Variants in PTER observed in about 807,000 individuals in gnomAD.
PTER encodes phosphotriesterase related, also known as N-acetyltaurine hydrolase.
Under a neutral mutation model 29.6 loss-of-function variants are expected in PTER, and 38 were observed. The observed-to-expected ratio is 1.28, with a 90% CI of 0.99 to 1.68. The LOEUF is 1.68. Among genes scored for constraint, PTER ranks in the 40% most tolerant of loss-of-function variants. The probability of loss-of-function intolerance (pLI) is 0.00; values close to 1 mark genes in which losing one functional copy is unlikely to be tolerated. For synonymous variants in PTER, 172 were observed against 154.5 expected (o/e 1.11, Z -0.84); for missense variants, 482 against 427.8 (o/e 1.13, Z -1.12).
chr10:16,450,066 A>T (rs2133371481), intron 1 of PTER, among the ~76,000 whole-genome samples: 1 of 152,140 alleles, frequency 6.6e-6, no homozygotes, highest in East Asian at 1.9e-4. Context: ...ATTATCTCAC[A>T]CCCTTAATAT....
intron 3 of PTER, among the ~76,000 whole-genome samples, chr10:16,487,532 C>T (rs907596124): frequency 6.6e-6 from 1 of 152,134 alleles, no homozygotes; most frequent in African/African-American, 2.4e-5. Context: ...ATCTGCAGAC[C>T]TTTTCCCCAA....
intron 1 of PTER, among the ~76,000 whole-genome samples, chr10:16,460,874 G>A (rs564012003): frequency 6.6e-6 from 1 of 152,086 alleles, no homozygotes; most frequent in Admixed American, 6.6e-5. Flanking sequence ...CCGCCACCAC[G>A]TCTGGCTAAT....
intron 3 of PTER, among the ~76,000 whole-genome samples, chr10:16,497,299 CAAAT>C (rs923548803): frequency 6.6e-6 from 1 of 152,174 alleles, no homozygotes; most frequent in Non-Finnish European, 1.5e-5. Flanking sequence ...AGACTCAACT[CAAAT>C]GAATCAAAGT....
At chr10:16,480,611 T>C (rs779778693) in intron 1 of PTER, among the ~76,000 whole-genome samples, 3 of 152,172 alleles carry the variant, frequency 2.0e-5, no homozygotes, top group Non-Finnish European at 2.9e-5. Flanking sequence ...AAGGACAGTG[T>C]ATTTCAGTTA....
chr10:16,446,254 C>T (rs955210135), intron 1 of PTER, among the ~76,000 whole-genome samples: 5 of 149,546 alleles, frequency 3.3e-5, no homozygotes, highest in Admixed American at 6.7e-5. Flanking sequence ...GTTGGTCTGT[C>T]GCCCAGGCTG....
chr10:16,442,178 A>AT (rs1833872432), intron 1 of PTER, among the ~76,000 whole-genome samples: 1 of 152,342 alleles, frequency 6.6e-6, no homozygotes, highest in Non-Finnish European at 1.5e-5. Context: ...TGTACCCACA[A>AT]AATTTCTTTC....
intron 1 of PTER, among the ~76,000 whole-genome samples, chr10:16,469,136 A>C (rs1834953957): frequency 6.6e-6 from 1 of 152,158 alleles, no homozygotes; most frequent in Non-Finnish European, 1.5e-5. Context: ...CTGAAGGCCG[A>C]GTAGAAGTTG....
intron 1 of PTER, among the ~76,000 whole-genome samples, chr10:16,461,794 C>CATATTCTGAATCA (rs1390315916): frequency 6.6e-6 from 1 of 152,170 alleles, no homozygotes; most frequent in Non-Finnish European, 1.5e-5. Flanking sequence ...CCATTTTAAG[C>CATATTCTGAATCA]ATATTCTGAA....
chr10:16,501,519 TAGC>T (rs1836350674), intron 3 of PTER, among the ~76,000 whole-genome samples: 1 of 152,182 alleles, frequency 6.6e-6, no homozygotes, highest in African/African-American at 2.4e-5. Context: ...CCCTCTGACT[TAGC>T]AGTTAAAAAT....
Position 16,498,777 on chromosome 10 carries a change from C to T in PTER, c.699-6243C>T, listed in dbSNP as rs537514267. On this transcript the variant is annotated intron_variant, in intron 3 of 4. Transcript: ENST00000535784. ...GAGTTCATTTTCCCATGGTAATATACTGACATTAGGGGTCAACCCTCTCCA... is the reference window on the plus strand; with the variant it reads ...GAGTTCATTTTCCCATGGTAATATATTGACATTAGGGGTCAACCCTCTCCA... Among the ~76,000 whole-genome samples the T allele has an allele frequency of 5.3e-5, 8 of 152,154 alleles. No homozygotes were observed. The South Asian group carries it at 1.7e-3, about 32-fold the overall frequency.
In PTER at chr10:16,477,349, A is replaced by T. The variant is rs1341485222; in HGVS notation, c.-48-6988A>T. ...GCATGTAAAATACACATTTTATTTTATTTTTTTTTTAGAGATGGGGTTTCA... is the reference window on the plus strand; with the variant it reads ...GCATGTAAAATACACATTTTATTTTTTTTTTTTTTTAGAGATGGGGTTTCA... On this transcript the variant is annotated intron_variant, in intron 1 of 4. Transcript: ENST00000535784. Among the ~76,000 whole-genome samples, 5 of 149,410 alleles carry T rather than the reference A, an allele frequency of 3.3e-5. No homozygotes were observed. The East Asian group carries it at 7.9e-4, about 24-fold the overall frequency.
At chr10:16,506,542 A>G (rs1041294354) in intron 4 of PTER, among the ~76,000 whole-genome samples, 2 of 152,198 alleles carry the variant, frequency 1.3e-5, no homozygotes, top group Non-Finnish European at 2.9e-5. Flanking sequence ...AAAACTCTGG[A>G]TAGATAAGAA....
At chr10:16,464,427 T>G (rs1158341292) in intron 1 of PTER, among the ~76,000 whole-genome samples, 1 of 152,234 alleles carries the variant, frequency 6.6e-6, no homozygotes, top group Non-Finnish European at 1.5e-5. Flanking sequence ...ATTATTACAA[T>G]ACTTTTGTAA....
At chr10:16,470,894 AATG>A (rs1156749008) in intron 1 of PTER, among the ~76,000 whole-genome samples, 1 of 152,208 alleles carries the variant, frequency 6.6e-6, no homozygotes, top group Non-Finnish European at 1.5e-5. Context: ...TTAACTTAAA[AATG>A]ATGACTGACA....
chr10:16,462,915 C>G (rs772725250), intron 1 of PTER, among the ~76,000 whole-genome samples: 1 of 149,022 alleles, frequency 6.7e-6, no homozygotes, highest in Admixed American at 6.7e-5. Context: ...TGATGGCTGC[C>G]GGGCGTGGTG....
intron 1 of PTER, among the ~76,000 whole-genome samples, chr10:16,461,605 C>G (rs370862084): frequency 6.6e-6 from 1 of 152,038 alleles, no homozygotes; most frequent in Admixed American, 6.6e-5. Flanking sequence ...AGTCTTTCCC[C>G]AAAACACTTC....
chr10:16,470,377 C>T (rs548459855), intron 1 of PTER, among the ~76,000 whole-genome samples: 2 of 152,232 alleles, frequency 1.3e-5, no homozygotes, highest in East Asian at 1.9e-4. Context: ...TTACCTGCCT[C>T]GAATAACATC....
chr10:16,474,311 C>T (rs1321334823), intron 1 of PTER, among the ~76,000 whole-genome samples: 2 of 152,052 alleles, frequency 1.3e-5, no homozygotes, highest in African/African-American at 2.4e-5. Context: ...CACTGGGGTA[C>T]AAAAGTCAAG....
intron 1 of PTER, among the ~76,000 whole-genome samples, chr10:16,446,255 G>A (rs987930564): frequency 2.0e-5 from 3 of 149,104 alleles, no homozygotes; most frequent in South Asian, 2.1e-4. Flanking sequence ...TTGGTCTGTC[G>A]CCCAGGCTGG....
Sources: gnomAD v4.1 joint callset for allele counts (sites outside exome capture counted in the v4.1 genomes callset) on GRCh38, gnomAD v4.1.1 for gene constraint, MANE v1.5 for transcripts, NCBI Gene and HGNC (gene_info 2026-07-23, HGNC 2026-07-21) for gene names.